TNC: variants seen among roughly 807,000 people sequenced by gnomAD.
TNC encodes tenascin C, also known as tenascin.
TNC carries 109 observed loss-of-function variants against 202.4 expected under a neutral mutation model. The ratio of observed to expected loss-of-function variants is 0.54; its 90% CI spans 0.46 to 0.63. TNC has a LOEUF of 0.63. Ranked by LOEUF, TNC falls within the 30% of genes least tolerant of loss-of-function variation. The pLI, the probability that TNC is intolerant of heterozygous loss-of-function variation, is 0.00. For missense variants in TNC, 2,756 were observed against 2,833.3 expected, an observed-to-expected ratio of 0.97 and a Z score of 0.62; for synonymous variants, 1,007 against 1,089.7, an observed-to-expected ratio of 0.92 and a Z score of 1.50.
intron 3 of TNC, among the ~76,000 whole-genome samples, chr9:115,085,072 T>A (rs1238918097): frequency 6.6e-6 from 1 of 152,088 alleles, no homozygotes; most frequent in East Asian, 1.9e-4. Context: ...ATTATGACAA[T>A]GATAATATGG....
intron 15 of TNC, 28 bp downstream of exon 15, chr9:115,057,125 C>A: frequency 6.3e-7 from 1 of 1,586,994 alleles, no homozygotes; most frequent in South Asian, 1.2e-5. Context: ...GGAGAGAGTG[C>A]GTTAGAAATG....
intron 17 of TNC, among the ~76,000 whole-genome samples, chr9:115,045,973 A>T (rs1322590015): frequency 3.9e-5 from 6 of 152,150 alleles, no homozygotes; most frequent in Admixed American, 2.6e-4. Flanking sequence ...CATTTGGCCA[A>T]AGAACAAGGA....
intron 17 of TNC, among the ~76,000 whole-genome samples, chr9:115,043,255 C>T (rs182957671): frequency 6.6e-6 from 1 of 152,144 alleles, no homozygotes; most frequent in African/African-American, 2.4e-5. Context: ...CTGAAACCCA[C>T]AGAAATTCAG....
intron 1 of TNC, among the ~76,000 whole-genome samples, chr9:115,105,031 C>T (rs1836507773): frequency 6.6e-6 from 1 of 152,154 alleles, no homozygotes; most frequent in African/African-American, 2.4e-5. Flanking sequence ...TGCTAATATT[C>T]AAATGAATGG....
At chr9:115,084,640 A>T (rs991970130) in intron 3 of TNC, among the ~76,000 whole-genome samples, 168 bp from the exon 4 acceptor site, 8 of 152,118 alleles carry the variant, frequency 5.3e-5, no homozygotes, top group African/African-American at 1.9e-4. Context: ...CCATCTTAAG[A>T]CCTGTGGTGG....
At position 115,059,595 on chromosome 9, in the gene TNC, C is replaced by G. The variant is rs915421161; in HGVS notation, c.4306+135G>C. 3.3e-6 allele frequency: 3 copies of G among 919,584 alleles called. No individual in the cohort carries two copies. The African/African-American group carries it at 5.0e-5, about 15-fold the overall frequency. 57.0% of individuals were successfully genotyped at this position (919,584 alleles called of 1,614,324 possible). On this transcript the variant is annotated intron_variant, in intron 14 of 27. Coordinates refer to ENST00000350763, the MANE Select transcript of TNC (RefSeq NM_002160.4). ...AAAGTCATAGCCCACAGGGAGGTCT[C>G]TGAGCATGCACAGCCGGCCACTGAA...
Position 115,082,712 on chromosome 9 carries a change from C to T in TNC, c.2227G>A (p.Glu743Lys), listed in dbSNP as rs769779091. 7 of 1,612,646 alleles carry T rather than the reference C, an allele frequency of 4.3e-6. No individual in the cohort carries two copies. Among genetic ancestry groups the T allele is most frequent in the South Asian group, 1.1e-5 (1 of 91,056 alleles). Residue 743 changes from glutamate (E) to lysine (K), a missense_variant, in exon 5 of 28, where the codon GAG (glutamate) becomes AAG (lysine). Transcript: ENST00000350763. The part of the protein sequence containing the change: ...DPLDIAFETW[E>K]IIFRNMNKED... ...CTTACCATATTCCGGAAGATGATCT[C>T]CCAGGTTTCAAAAGCAATGTCTAGA...
chr9:115,063,509 A>G (rs1484279451), intron 12 of TNC, among the ~76,000 whole-genome samples: 1 of 152,162 alleles, frequency 6.6e-6, no homozygotes, highest in Non-Finnish European at 1.5e-5. Flanking sequence ...CTTCATTTAC[A>G]GGTTGGGCTT....
intron 1 of TNC, among the ~76,000 whole-genome samples, chr9:115,094,025 A>G (rs73555006): frequency 0.025 from 3,748 of 152,274 alleles, 155 homozygotes; most frequent in African/African-American, 0.086. Context: ...TTCAAATGTC[A>G]CTCACTAGCC....
chr9:115,089,681 G>A (rs956207621), intron 2 of TNC, among the ~76,000 whole-genome samples: 7 of 152,110 alleles, frequency 4.6e-5, no homozygotes, highest in African/African-American at 1.7e-4. Context: ...TGTATTTTTA[G>A]TAGAGATGGG....
chr9:115,098,169 A>C (rs56362862), intron 1 of TNC, among the ~76,000 whole-genome samples: 6,598 of 152,264 alleles, frequency 0.043, 212 homozygotes, highest in Non-Finnish European at 0.061. Context: ...CCTTGGTGTT[A>C]AATGTTATCA....
intron 2 of TNC, 86 bp from the exon 3 acceptor site, chr9:115,087,359 A>T (rs1362959862): frequency 4.2e-6 from 6 of 1,413,646 alleles, no homozygotes; most frequent in Non-Finnish European, 5.8e-6. Context: ...ATTCAAATTC[A>T]GCTGAAGGAC....
chr9:115,117,285 G>C lies in TNC; in HGVS notation c.-137+697C>G, dbSNP rs571515586. Among the ~76,000 whole-genome samples, 4 of 152,222 alleles carry C rather than the reference G, an allele frequency of 2.6e-5. No homozygotes were observed. The East Asian group carries it at 7.7e-4, about 29-fold the overall frequency. ...CATACCTGGGGGATGTTGTTGCTCA[G>C]ATCTTTCTGTGATGAGAGGTGAGGA... On this transcript the variant is annotated intron_variant, in intron 1 of 27. Transcript: ENST00000350763.
intron 15 of TNC, among the ~76,000 whole-genome samples, chr9:115,055,252 C>T (rs1274484065): frequency 1.3e-5 from 2 of 152,154 alleles, no homozygotes; most frequent in Non-Finnish European, 2.9e-5. Flanking sequence ...AACAGAACAA[C>T]TCCAGATGTG....
Position 115,076,096 on chromosome 9 carries a change from C to A in TNC, c.2886G>T (p.Gly962=). The change falls in exon 9 of 28, where the codon GGG becomes GGT. Residue 962 remains glycine, a synonymous_variant. Transcript: ENST00000350763. ...LTGLRPGTEY[G]IGVSAVKEDK... is the part of the protein sequence containing the mutation. ...CTTCCTTCACAGCAGAAACTCCAAT[C>A]CCATATTCAGTTCCCGGCCTCAGAC... 1 of 1,614,142 alleles carries A rather than the reference C, an allele frequency of 6.2e-7. No homozygotes were observed. Among genetic ancestry groups the A allele is most frequent in the African/African-American group, 1.3e-5 (1 of 75,030 alleles).
intron 9 of TNC, among the ~76,000 whole-genome samples, chr9:115,075,707 C>A (rs887209474): frequency 1.3e-5 from 2 of 152,076 alleles, no homozygotes; most frequent in African/African-American, 2.4e-5. Flanking sequence ...ATCTCTTGAA[C>A]CCTGGAGGCG....
chr9:115,060,026 T>C, intron 13 of TNC, 24 bp from the exon 14 acceptor site: 1 of 1,589,094 alleles, frequency 6.3e-7, no homozygotes, highest in South Asian at 1.1e-5. Context: ...GAAAAGTATT[T>C]GTCAGTTCTA....
chr9:115,064,635 G>C lies in TNC; in HGVS notation c.3487+12C>G, dbSNP rs1420200870. Reference sequence around the variant, plus strand: ...GAAAAACAGAAGCTATAAATAGAAAGGAAAGAGATACCTGTGGAGGCCTCA... The same window carrying C: ...GAAAAACAGAAGCTATAAATAGAAACGAAAGAGATACCTGTGGAGGCCTCA... On this transcript the variant is annotated intron_variant, in intron 11 of 27. Transcript: ENST00000350763. 6.3e-7 allele frequency: 1 copy of C among 1,586,238 alleles called. No individual in the cohort carries two copies. Among genetic ancestry groups the C allele is most frequent in the Non-Finnish European group, 8.6e-7 (1 of 1,163,098 alleles).
chr9:115,109,951 G>T (rs1210548036), intron 1 of TNC, among the ~76,000 whole-genome samples: 1 of 152,166 alleles, frequency 6.6e-6, no homozygotes, highest in Non-Finnish European at 1.5e-5. Context: ...CTTTATTCCA[G>T]TTGTGCTAGG....
Sources: gnomAD v4.1 joint callset for allele counts (sites outside exome capture counted in the v4.1 genomes callset) on GRCh38, gnomAD v4.1.1 for gene constraint, MANE v1.5 for transcripts, NCBI Gene and HGNC (gene_info 2026-07-23, HGNC 2026-07-21) for gene names.